Variants in DPY19L2 observed in about 807,000 individuals in gnomAD.
DPY19L2 encodes the protein dpy-19 like 2, also known as probable C-mannosyltransferase DPY19L2.
A neutral mutation model predicts 97.9 loss-of-function variants in DPY19L2; 34 were observed. The observed-to-expected ratio is 0.35, with a 90% CI of 0.26 to 0.46. DPY19L2 has a LOEUF of 0.46. Among genes scored for constraint, DPY19L2 ranks in the 20% least tolerant of loss-of-function variants. The pLI, the probability that DPY19L2 is intolerant of heterozygous loss-of-function variation, is 1.00. For synonymous variants in DPY19L2, 230 were observed against 307.9 expected, an observed-to-expected ratio of 0.75 and a Z score of 2.65; for missense variants, 623 against 911.4, an observed-to-expected ratio of 0.68 and a Z score of 4.07.
chr12:63,633,010 A>C (rs1279567127), intron 6 of DPY19L2, among the ~76,000 whole-genome samples: 1 of 152,160 alleles, frequency 6.6e-6, no homozygotes, highest in Non-Finnish European at 1.5e-5. Context: ...CTGGCTAGCC[A>C]TATGTAGAAA....
chr12:63,565,084 G>C (rs796290992), intron 21 of DPY19L2, among the ~76,000 whole-genome samples: 1 of 152,168 alleles, frequency 6.6e-6, no homozygotes, highest in African/African-American at 2.4e-5. Flanking sequence ...TTTCCTATCT[G>C]TTAACTTTTA....
chr12:63,602,518 A>G (rs958374960), intron 12 of DPY19L2, among the ~76,000 whole-genome samples: 22 of 152,134 alleles, frequency 1.4e-4, no homozygotes, highest in African/African-American at 5.1e-4. Flanking sequence ...GTCCAGAAAT[A>G]AAAGAAGACC....
At chr12:63,593,309 T>C (rs1394162987) in intron 16 of DPY19L2, among the ~76,000 whole-genome samples, 1 of 152,180 alleles carries the variant, frequency 6.6e-6, no homozygotes, top group Non-Finnish European at 1.5e-5. Context: ...CAAAGGACTA[T>C]AAATCATGCT....
chr12:63,592,291 T>A lies in DPY19L2; in HGVS notation c.1580+1796A>T, dbSNP rs1288534997. Among the ~76,000 whole-genome samples the A allele has an allele frequency of 3.9e-3, 592 of 151,344 alleles. 8 individuals are homozygous for A. Among genetic ancestry groups the A allele is most frequent in the African/African-American group, 0.013 (556 of 41,250 alleles). On this transcript the variant is annotated intron_variant, in intron 16 of 21. Coordinates refer to ENST00000324472, the MANE Select transcript of DPY19L2 (RefSeq NM_173812.5). ...TTCACAGAATTGGAAAAAACTACTT[T>A]CAAGTTCATATGGAACCAAAAAAGA...
chr12:63,583,825 AGGAGCTGTTTTCTAGAATAAAACAAAAAT>A lies in DPY19L2; in HGVS notation c.1581-18_1591del, dbSNP rs1212228626. ...TGAAAGCTTTACCTCACTGTGTTCAAGGAGCTGTTTTCTAGAATAAAACAAAAATATTACCTATTTACTGAAGGTCTTTT... is the reference window on the plus strand; with the variant it reads ...TGAAAGCTTTACCTCACTGTGTTCAAATTACCTATTTACTGAAGGTCTTTT... On this transcript the variant is annotated splice_acceptor_variant and splice_polypyrimidine_tract_variant and coding_sequence_variant and intron_variant, in exon 17 of 22. Transcript: ENST00000324472. LOFTEE classifies it high-confidence loss of function. The A allele has an allele frequency of 6.2e-7, 1 of 1,611,396 alleles. No individual in the cohort carries two copies. The highest frequency in any genetic ancestry group is 1.7e-5 in the Admixed American group (1 of 59,862).
At chr12:63,592,017 A>AGGGGAG (rs1883112936) in intron 16 of DPY19L2, among the ~76,000 whole-genome samples, 1 of 4,582 alleles carries the variant, frequency 2.2e-4, no homozygotes, top group African/African-American at 1.1e-3. Context: ...AGGGGAGGGG[A>AGGGGAG]GGGGAGGGGA....
intron 16 of DPY19L2, among the ~76,000 whole-genome samples, chr12:63,586,828 C>A (rs1221063757): frequency 6.6e-6 from 1 of 151,924 alleles, no homozygotes; most frequent in African/African-American, 2.4e-5. Context: ...AGAGAAACCA[C>A]CAGGAAATAC....
rs1555195773 is a variant in DPY19L2 at position 63,610,867 on chromosome 12, A to AAAAAAAAAC, written c.1219-2201_1219-2193dup. Among the ~76,000 whole-genome samples, 84 of 102,866 alleles carry AAAAAAAAAC rather than the reference A, an allele frequency of 8.2e-4. 1 individual carries two copies. Among genetic ancestry groups the AAAAAAAAAC allele is most frequent in the Non-Finnish European group, 1.4e-3 (71 of 49,110 alleles). The allele number at this position is 102,866 out of a possible 152,430, so 67.5% of individuals were successfully genotyped here. On this transcript the variant is annotated intron_variant, in intron 11 of 21. Transcript: ENST00000324472. ...AAAAAAAAAAAAAAAAAAAAAAAAA[A>AAAAAAAAAC]AAAAAAAACCACACACACACACAAA...
Position 63,634,569 on chromosome 12 carries a change from G to A in DPY19L2, c.804-8043C>T, listed in dbSNP as rs370469699. ...GTGATAGACAGTACCTGGAAAATCC[G>A]GACACTCCCACCCTAATACGGCACT... is the stretch of plus-strand genomic sequence containing the variant. On this transcript the variant is annotated intron_variant, in intron 6 of 21. Transcript: ENST00000324472. Among the ~76,000 whole-genome samples the A allele has an allele frequency of 1.9e-3, 284 of 152,216 alleles. 3 individuals are homozygous for A. The highest frequency in any genetic ancestry group is 6.2e-3 in the African/African-American group (256 of 41,538).
At chr12:63,602,975 C>A (rs1027509421) in intron 12 of DPY19L2, among the ~76,000 whole-genome samples, 1 of 152,024 alleles carries the variant, frequency 6.6e-6, no homozygotes, top group Admixed American at 6.5e-5. Flanking sequence ...CATTATCTCA[C>A]AAAGCAAAGA....
At chr12:63,616,170 A>G (rs2137742351) in intron 11 of DPY19L2, among the ~76,000 whole-genome samples, 1 of 152,042 alleles carries the variant, frequency 6.6e-6, no homozygotes, top group East Asian at 1.9e-4. Flanking sequence ...CAATCCCTGC[A>G]GACACGAAGG....
intron 6 of DPY19L2, among the ~76,000 whole-genome samples, chr12:63,631,382 A>G (rs1415522749): frequency 2.0e-5 from 3 of 152,136 alleles, no homozygotes; most frequent in African/African-American, 7.2e-5. Flanking sequence ...TAAAGGGGAT[A>G]TCACCACCGA....
intron 19 of DPY19L2, among the ~76,000 whole-genome samples, chr12:63,579,366 C>T (rs1458707841): frequency 1.3e-5 from 2 of 152,098 alleles, no homozygotes; most frequent in African/African-American, 4.8e-5. Context: ...GCACTAGTTC[C>T]ACTAATACTA....
At chr12:63,642,151 A>T (rs908844075) in intron 6 of DPY19L2, among the ~76,000 whole-genome samples, 37 of 152,212 alleles carry the variant, frequency 2.4e-4, no homozygotes, top group African/African-American at 7.9e-4. Flanking sequence ...AAGGACAGAG[A>T]TCTCTGTCCT....
intron 21 of DPY19L2, among the ~76,000 whole-genome samples, chr12:63,563,074 G>A (rs1165783324): frequency 1.5e-5 from 2 of 134,636 alleles, no homozygotes; most frequent in African/African-American, 6.4e-5. Flanking sequence ...TGGGATTACA[G>A]GCGTGAGCCA....
intron 5 of DPY19L2, among the ~76,000 whole-genome samples, chr12:63,645,616 A>T (rs1008947128): frequency 3.9e-5 from 6 of 152,120 alleles, no homozygotes; most frequent in Admixed American, 2.6e-4. Context: ...GTTTCCTATC[A>T]CTCAAAGGAG....
At chr12:63,635,898 C>A (rs1342272096) in intron 6 of DPY19L2, among the ~76,000 whole-genome samples, 1 of 152,052 alleles carries the variant, frequency 6.6e-6, no homozygotes, top group Non-Finnish European at 1.5e-5. Flanking sequence ...GCAAGGCAGG[C>A]CAACATTCAA....
chr12:63,629,930 G>T (rs1306851831), intron 6 of DPY19L2, among the ~76,000 whole-genome samples: 3 of 152,118 alleles, frequency 2.0e-5, no homozygotes, highest in East Asian at 3.9e-4. Context: ...TTAAAGAAAA[G>T]AATTTTCAAC....
chr12:63,639,252 T>C (rs2138065776), intron 6 of DPY19L2, among the ~76,000 whole-genome samples: 1 of 152,252 alleles, frequency 6.6e-6, no homozygotes, highest in East Asian at 1.9e-4. Flanking sequence ...ATAAAAACCC[T>C]AGAAGAAAAC....
Sources: gnomAD v4.1 joint callset for allele counts (sites outside exome capture counted in the v4.1 genomes callset) on GRCh38, gnomAD v4.1.1 for gene constraint, MANE v1.5 for transcripts, NCBI Gene and HGNC (gene_info 2026-07-23, HGNC 2026-07-21) for gene names.